SDK2: variants seen among roughly 807,000 people sequenced by gnomAD.
The protein encoded by SDK2 is sidekick cell adhesion molecule 2, also known as protein sidekick-2.
A neutral mutation model predicts 253.9 loss-of-function variants in SDK2; 105 were observed. The ratio of observed to expected loss-of-function variants is 0.41; its 90% CI spans 0.35 to 0.49. The LOEUF (loss-of-function observed/expected upper bound fraction) is 0.49, where lower values mean the gene tolerates loss of function less well. Ranked by LOEUF, SDK2 falls within the 20% of genes least tolerant of loss-of-function variation. SDK2 has a pLI of 0.06. For synonymous variants in SDK2, 1,249 were observed against 1,234.9 expected, an observed-to-expected ratio of 1.01 and a Z score of -0.24; for missense variants, 2,608 against 3,003.0, an observed-to-expected ratio of 0.87 and a Z score of 3.07.
chr17:73,361,204 C>T lies in SDK2; in HGVS notation c.5467+480G>A, dbSNP rs1441566040. Among the ~76,000 whole-genome samples the T allele has an allele frequency of 6.6e-6, 1 of 152,114 alleles. No homozygotes were observed. The highest frequency in any genetic ancestry group is 1.5e-5 in the Non-Finnish European group (1 of 68,016). ...CCACCTCAGCCCCAGGAAATCAACCCCTCGGAGCATCCACCCTGGGAACGT... is the reference window on the plus strand; with the variant it reads ...CCACCTCAGCCCCAGGAAATCAACCTCTCGGAGCATCCACCCTGGGAACGT... On this transcript the variant is annotated intron_variant, in intron 39 of 44. Coordinates refer to ENST00000392650, the MANE Select transcript of SDK2 (RefSeq NM_001144952.2). The surrounding 1 kb of genome is among the most constrained non-coding windows in gnomAD (Gnocchi z 4.1).
intron 33 of SDK2, among the ~76,000 whole-genome samples, chr17:73,382,036 G>T (rs1378875506): frequency 6.6e-6 from 1 of 152,182 alleles, no homozygotes; most frequent in African/African-American, 2.4e-5. Flanking sequence ...CTAACATGGT[G>T]AAACCCCGTT....
Position 73,534,894 on chromosome 17 carries a change from A to G in SDK2, c.65-27297T>C, listed in dbSNP as rs1225925203. Among the ~76,000 whole-genome samples the G allele has an allele frequency of 6.6e-6, 1 of 152,122 alleles. No homozygotes were observed. The highest frequency in any genetic ancestry group is 1.9e-4 in the East Asian group (1 of 5,184). On this transcript the variant is annotated intron_variant, in intron 1 of 44. Transcript: ENST00000392650. This position sits in a 1 kb window ranked among gnomAD's most constrained non-coding sequence, Gnocchi z 4.9. ...TTGTGGGGATACTGGATACTCTGCG[A>G]TCGGCCGATCAGCCCGCTACTGGGT...
At position 73,592,850 on chromosome 17, in the gene SDK2, C is replaced by T. The variant is rs567897521; in HGVS notation, c.64+51175G>A. ...TGGGGAATCTACGGAATCAAAGAGTCACAGACACATGGCCTGGCCACATGC... is the reference window on the plus strand; with the variant it reads ...TGGGGAATCTACGGAATCAAAGAGTTACAGACACATGGCCTGGCCACATGC... On this transcript the variant is annotated intron_variant, in intron 1 of 44. Transcript: ENST00000392650. Among the ~76,000 whole-genome samples, 8 of 152,302 alleles carry T rather than the reference C, an allele frequency of 5.3e-5. No individual in the cohort carries two copies. In the South Asian group the frequency reaches 1.0e-3, roughly 20 times the overall value.
intron 37 of SDK2, among the ~76,000 whole-genome samples, chr17:73,367,434 C>T (rs761401107): frequency 5.9e-5 from 9 of 152,166 alleles, no homozygotes; most frequent in Admixed American, 3.3e-4. Context: ...TTAGCACCTG[C>T]GGTTCCCTCT....
At chr17:73,522,356 T>C (rs2064087135) in intron 1 of SDK2, among the ~76,000 whole-genome samples, 1 of 152,196 alleles carries the variant, frequency 6.6e-6, no homozygotes. Flanking sequence ...GCAGGTGGCA[T>C]TCCCAGACAA....
chr17:73,390,626 G>A, intron 28 of SDK2, 145 bp from the exon 29 acceptor site: 1 of 847,986 alleles, frequency 1.2e-6, no homozygotes, highest in South Asian at 1.8e-5. Flanking sequence ...CTGTCTGCCT[G>A]AGGTCTCTGG....
At chr17:73,526,032 C>T (rs2064122573) in intron 1 of SDK2, among the ~76,000 whole-genome samples, 1 of 152,218 alleles carries the variant, frequency 6.6e-6, no homozygotes, top group Non-Finnish European at 1.5e-5. Flanking sequence ...GAGTGAAGCC[C>T]TTGATACATC....
Position 73,383,829 on chromosome 17 carries a change from G to T in SDK2, c.4705+47C>A. On this transcript the variant is annotated intron_variant, in intron 33 of 44. Coordinates refer to ENST00000392650, the MANE Select transcript of SDK2 (RefSeq NM_001144952.2). This position sits in a 1 kb window ranked among gnomAD's most constrained non-coding sequence, Gnocchi z 4.3. Reference sequence around the variant, plus strand: ...AGCTCCAGAGCGGGAAGGTGAGGGTGACCGCCCCCATCCCACCCATTCCTC... The same window carrying T: ...AGCTCCAGAGCGGGAAGGTGAGGGTTACCGCCCCCATCCCACCCATTCCTC... 1.2e-6 allele frequency: 2 copies of T among 1,607,352 alleles called. No homozygotes were observed. The highest frequency in any genetic ancestry group is 2.2e-5 in the South Asian group (2 of 90,764).
chr17:73,431,009 C>T lies in SDK2; in HGVS notation c.1481-396G>A, dbSNP rs536052496. On this transcript the variant is annotated intron_variant, in intron 11 of 44. Coordinates refer to ENST00000392650, the MANE Select transcript of SDK2 (RefSeq NM_001144952.2). This position sits in a 1 kb window ranked among gnomAD's most constrained non-coding sequence, Gnocchi z 5.6. ...TGAGAAGCTCTCTTACAGCAGGGGT[C>T]GGCTAACTACAGGCTGGGGGCCAAA... Among the ~76,000 whole-genome samples, 5 of 152,294 alleles carry T rather than the reference C, an allele frequency of 3.3e-5. No homozygotes were observed. The highest frequency in any genetic ancestry group is 1.9e-4 in the East Asian group (1 of 5,172).
intron 15 of SDK2, among the ~76,000 whole-genome samples, chr17:73,419,840 C>T (rs1317978805): frequency 6.7e-6 from 1 of 148,706 alleles, no homozygotes; most frequent in Non-Finnish European, 1.5e-5. Flanking sequence ...GCTGTGTTTG[C>T]ATCACGGAAC....
rs1472863578 is a variant in SDK2, at chr17:73,352,266, A to G, written c.5758+207T>C. Among the ~76,000 whole-genome samples, 3 of 152,102 alleles carry G rather than the reference A, an allele frequency of 2.0e-5. No homozygotes were observed. The highest frequency in any genetic ancestry group is 2.0e-4 in the Admixed American group (3 of 15,274). ...TCCTTGAAAGGGAGCCCCAAAGATG[A>G]AGATCCCTAGTTTCCTCTGGTCTTG... is the stretch of plus-strand genomic sequence containing the variant. On this transcript the variant is annotated intron_variant, in intron 41 of 44. Coordinates refer to ENST00000392650, the MANE Select transcript of SDK2 (RefSeq NM_001144952.2). This position sits in a 1 kb window ranked among gnomAD's most constrained non-coding sequence, Gnocchi z 4.1.
At chr17:73,593,379 G>A (rs542809748) in intron 1 of SDK2, among the ~76,000 whole-genome samples, 1 of 152,322 alleles carries the variant, frequency 6.6e-6, no homozygotes, top group African/African-American at 2.4e-5. Flanking sequence ...GGCCACAAGA[G>A]CATCCTTCCT....
At chr17:73,398,787 ACCCAGG>A (rs2062993922) in intron 22 of SDK2, among the ~76,000 whole-genome samples, 1 of 152,098 alleles carries the variant, frequency 6.6e-6, no homozygotes, top group Non-Finnish European at 1.5e-5. Flanking sequence ...ACTTCCAGAG[ACCCAGG>A]CTGCCCCTCA....
chr17:73,433,598 T>C (rs2063344065), intron 10 of SDK2, 134 bp downstream of exon 10: 1 of 629,886 alleles, frequency 1.6e-6, no homozygotes, highest in East Asian at 3.1e-5. Context: ...CGAGAGATGC[T>C]CTCTTGGGTT....
chr17:73,452,006 G>A (rs1264618281), intron 4 of SDK2, among the ~76,000 whole-genome samples: 1 of 152,096 alleles, frequency 6.6e-6, no homozygotes, highest in African/African-American at 2.4e-5. Flanking sequence ...CTATGGCTCT[G>A]ATTGGCCCAG....
At chr17:73,386,598 C>T (rs761835193) in intron 30 of SDK2, 50 bp from the exon 31 acceptor site, 23 of 1,285,108 alleles carry the variant, frequency 1.8e-5, no homozygotes, top group Middle Eastern at 1.8e-4. Context: ...TTAAAGGCCT[C>T]GCCCCATGCT....
intron 2 of SDK2, among the ~76,000 whole-genome samples, chr17:73,479,849 C>T (rs760613327): frequency 6.6e-5 from 10 of 152,196 alleles, no homozygotes; most frequent in Non-Finnish European, 1.2e-4. Flanking sequence ...TGCCCCCATG[C>T]CCGGCTAATT....
chr17:73,607,858 T>C (rs1307998901), intron 1 of SDK2, among the ~76,000 whole-genome samples: 1 of 152,056 alleles, frequency 6.6e-6, no homozygotes, highest in Non-Finnish European at 1.5e-5. Flanking sequence ...TTTTTTTTTT[T>C]TTGGTTGTTG....
Position 73,431,737 on chromosome 17 carries a change from C to A in SDK2, c.1313-68G>T. Reference sequence around the variant, plus strand: ...GGCACACCCTGCCCTTCCCTGGCCGCTCCAGGGCAGCATGGTCCCCCCACA... The same window carrying A: ...GGCACACCCTGCCCTTCCCTGGCCGATCCAGGGCAGCATGGTCCCCCCACA... On this transcript the variant is annotated intron_variant, in intron 10 of 44. Transcript: ENST00000392650. The surrounding 1 kb of genome is among the most constrained non-coding windows in gnomAD (Gnocchi z 5.6). 1 of 1,449,678 alleles carries A rather than the reference C, an allele frequency of 6.9e-7. No individual in the cohort carries two copies. The highest frequency in any genetic ancestry group is 1.4e-5 in the South Asian group (1 of 73,866). The allele number at this position is 1,449,678 out of a possible 1,614,324, so 89.8% of individuals were successfully genotyped here.
Sources: gnomAD v4.1 joint callset for allele counts (sites outside exome capture counted in the v4.1 genomes callset) on GRCh38, gnomAD v4.1.1 for gene constraint, Gnocchi (gnomAD v3.1) non-coding constraint, MANE v1.5 for transcripts, NCBI Gene and HGNC (gene_info 2026-07-23, HGNC 2026-07-21) for gene names.